Variants in PPFIBP2 observed in about 807,000 individuals in gnomAD.
PPFIBP2 encodes the protein liprin-beta-2.
In PPFIBP2, 118 loss-of-function variants were observed where a neutral mutation model predicts 118.3. The ratio of observed to expected loss-of-function variants is 1.00; its 90% CI spans 0.86 to 1.16. The LOEUF is 1.16. Among genes scored for constraint, PPFIBP2 ranks in the 50% most tolerant of loss-of-function variants. The pLI is 0.00. For missense variants in PPFIBP2, 1,195 were observed against 1,073.1 expected, an observed-to-expected ratio of 1.11 and a Z score of -1.59; for synonymous variants, 414 against 397.4, an observed-to-expected ratio of 1.04 and a Z score of -0.50.
intron 21 of PPFIBP2, among the ~76,000 whole-genome samples, chr11:7,649,909 A>C (rs900466952): frequency 6.6e-6 from 1 of 152,210 alleles, no homozygotes; most frequent in Non-Finnish European, 1.5e-5. Flanking sequence ...TAGTGATTAA[A>C]GGAGATGAGG....
intron 1 of PPFIBP2, among the ~76,000 whole-genome samples, chr11:7,535,313 C>T (rs1420122061): frequency 6.6e-6 from 1 of 152,120 alleles, no homozygotes; most frequent in Non-Finnish European, 1.5e-5. Flanking sequence ...GGGGAAGGGG[C>T]CTTTAGTTGA....
chr11:7,659,065 T>C (rs1854832426), downstream of PPFIBP2, among the ~76,000 whole-genome samples: 1 of 143,118 alleles, frequency 7.0e-6, no homozygotes, highest in Non-Finnish European at 1.5e-5. Flanking sequence ...ATGAGTAGGT[T>C]GCGAAAATTT....
intron 2 of PPFIBP2, among the ~76,000 whole-genome samples, chr11:7,550,808 A>G (rs977414456): frequency 7.2e-5 from 11 of 152,150 alleles, no homozygotes; most frequent in African/African-American, 2.7e-4. Flanking sequence ...ATAAGCTGCC[A>G]ACTAATATAA....
chr11:7,601,920 C>T (rs1356570502), intron 5 of PPFIBP2, among the ~76,000 whole-genome samples: 1 of 151,190 alleles, frequency 6.6e-6, no homozygotes, highest in Non-Finnish European at 1.5e-5. Flanking sequence ...ATGGTGAAAC[C>T]CCGTCTCTAC....
intron 15 of PPFIBP2, among the ~76,000 whole-genome samples, chr11:7,640,297 C>G (rs2135881913): frequency 6.6e-6 from 1 of 152,256 alleles, no homozygotes; most frequent in East Asian, 1.9e-4. Context: ...TTCTCTGCAG[C>G]TTCCCTATTC....
At chr11:7,623,037 A>G (rs1285197446) in intron 7 of PPFIBP2, among the ~76,000 whole-genome samples, 1 of 152,146 alleles carries the variant, frequency 6.6e-6, no homozygotes, top group Non-Finnish European at 1.5e-5. Flanking sequence ...AGTGAGGTAT[A>G]TGTTTTTTTA....
At chr11:7,632,213 G>A (rs1429458801) in intron 11 of PPFIBP2, 1 of 152,370 alleles carries the variant, frequency 6.6e-6, no homozygotes, top group African/African-American at 2.4e-5. Flanking sequence ...ATTCAGCTCA[G>A]CTTTTCTCCT....
intron 5 of PPFIBP2, among the ~76,000 whole-genome samples, chr11:7,607,348 CTTG>C (rs33997330): frequency 0.17 from 24,918 of 150,894 alleles, 3,129 homozygotes; most frequent in African/African-American, 0.35. Flanking sequence ...GCTGGAACTA[CTTG>C]AGGCCCATGC....
At chr11:7,520,696 G>C (rs1849679354) in intron 1 of PPFIBP2, among the ~76,000 whole-genome samples, 1 of 152,124 alleles carries the variant, frequency 6.6e-6, no homozygotes, top group South Asian at 2.1e-4. Flanking sequence ...TTTGGTGTGG[G>C]CACAACTAGG....
chr11:7,599,726 G>A (rs1191003449), intron 5 of PPFIBP2, among the ~76,000 whole-genome samples: 2 of 150,846 alleles, frequency 1.3e-5, no homozygotes, highest in Non-Finnish European at 2.9e-5. Context: ...CGCCTCCTGG[G>A]TTCACGCCAT....
intron 6 of PPFIBP2, among the ~76,000 whole-genome samples, chr11:7,615,347 A>T (rs1247542995): frequency 6.6e-6 from 1 of 152,108 alleles, no homozygotes; most frequent in African/African-American, 2.4e-5. Context: ...AAAAAAAAAA[A>T]AAAAAAGAAT....
intron 2 of PPFIBP2, among the ~76,000 whole-genome samples, chr11:7,558,208 CTGAT>C (rs1325898366): frequency 2.0e-5 from 3 of 152,194 alleles, no homozygotes; most frequent in African/African-American, 7.2e-5. Context: ...TGAACACAGA[CTGAT>C]TGAGTCTCCA....
At chr11:7,578,959 G>T (rs1387214942) in intron 3 of PPFIBP2, among the ~76,000 whole-genome samples, 1 of 152,102 alleles carries the variant, frequency 6.6e-6, no homozygotes, top group Non-Finnish European at 1.5e-5. Flanking sequence ...GATCACGCAG[G>T]ACAGTGAAGG....
In PPFIBP2 at chr11:7,538,946, T is replaced by G. The variant is rs141702416; in HGVS notation, c.-36-10494T>G. The stretch of plus-strand genomic sequence containing the variant: ...GTTTAGGTTGAAACAAGGAACCTTG[T>G]ATGCGCCAAATATTTTTGTTGCTGT... On this transcript the variant is annotated intron_variant, in intron 1 of 23. Transcript: ENST00000299492. 6.5e-4 allele frequency among the ~76,000 whole-genome samples: 99 copies of G among 152,324 alleles called. 1 individual carries two copies. In the East Asian group the frequency reaches 0.018, roughly 28 times the overall value.
chr11:7,575,549 C>T (rs968748588), intron 3 of PPFIBP2, among the ~76,000 whole-genome samples: 1 of 152,206 alleles, frequency 6.6e-6, no homozygotes, highest in African/African-American at 2.4e-5. Context: ...CCTTGCGCCA[C>T]CTCTCCCTGT....
At chr11:7,551,239 A>T (rs1852955024) in intron 2 of PPFIBP2, among the ~76,000 whole-genome samples, 1 of 152,122 alleles carries the variant, frequency 6.6e-6, no homozygotes, top group Non-Finnish European at 1.5e-5. Flanking sequence ...TAGCTACAGG[A>T]TCATTCCCTG....
intron 5 of PPFIBP2, among the ~76,000 whole-genome samples, chr11:7,608,341 T>C (rs1016423796): frequency 2.0e-5 from 3 of 152,284 alleles, no homozygotes; most frequent in South Asian, 2.1e-4. Flanking sequence ...AGACTTTTGT[T>C]TGAACACTAA....
chr11:7,652,873 C>A, intron 23 of PPFIBP2, 151 bp from the exon 24 acceptor site: 1 of 924,620 alleles, frequency 1.1e-6, no homozygotes, highest in Non-Finnish European at 1.6e-6. Context: ...AAATTGCTTC[C>A]AAGAGCTCTG....
intron 1 of PPFIBP2, among the ~76,000 whole-genome samples, chr11:7,537,458 G>C (rs1444898663): frequency 6.6e-6 from 1 of 152,194 alleles, no homozygotes; most frequent in Admixed American, 6.5e-5. Flanking sequence ...CCATCATCTT[G>C]ATCTATTGTG....
Sources: allele counts gnomAD v4.1 joint callset (sites outside exome capture counted in the v4.1 genomes callset), GRCh38; gene constraint gnomAD v4.1.1; transcripts MANE v1.5; gene names NCBI Gene and HGNC (gene_info 2026-07-23, HGNC 2026-07-21).